MTUS1: variants seen among roughly 807,000 people sequenced by gnomAD.
The protein encoded by MTUS1 is microtubule-associated tumor suppressor 1.
In MTUS1, 109 loss-of-function variants were observed where a neutral mutation model predicts 120.8. That is an observed-to-expected ratio of 0.90 (90% CI 0.77 to 1.06). MTUS1 has a LOEUF of 1.06. Among genes scored for constraint, MTUS1 ranks in the 50% least tolerant of loss-of-function variants. MTUS1 has a pLI of 0.00. For synonymous variants in MTUS1, 737 were observed against 550.5 expected, an observed-to-expected ratio of 1.34 and a Z score of -4.74; for missense variants, 2,210 against 1,486.3, an observed-to-expected ratio of 1.49 and a Z score of -8.01.
intron 1 of MTUS1, among the ~76,000 whole-genome samples, chr8:17,758,785 G>A (rs986670714): frequency 6.6e-6 from 1 of 152,136 alleles, no homozygotes; most frequent in Non-Finnish European, 1.5e-5. Flanking sequence ...TTCAATTAAT[G>A]GCATTTTTAT....
At chr8:17,761,092 C>A (rs2049005661) in intron 1 of MTUS1, among the ~76,000 whole-genome samples, 1 of 151,862 alleles carries the variant, frequency 6.6e-6, no homozygotes, top group Non-Finnish European at 1.5e-5. Context: ...TGTAACAGAG[C>A]AGCTCCTCTT....
At chr8:17,793,392 C>G (rs182007278) in intron 1 of MTUS1, among the ~76,000 whole-genome samples, 4 of 151,970 alleles carry the variant, frequency 2.6e-5, no homozygotes, top group African/African-American at 9.7e-5. Flanking sequence ...GGGGTGAGGG[C>G]AAGAGGAGAG....
intron 7 of MTUS1, chr8:17,676,376 G>C (rs771872651): frequency 2.8e-6 from 2 of 702,346 alleles, no homozygotes; most frequent in South Asian, 3.0e-5. Context: ...CACTGTGCAA[G>C]AAGCATACAG....
chr8:17,708,058 T>C (rs1268120486), intron 6 of MTUS1, among the ~76,000 whole-genome samples: 1 of 152,194 alleles, frequency 6.6e-6, no homozygotes, highest in African/African-American at 2.4e-5. Context: ...CAACTGTTTC[T>C]GAGATACAAT....
At chr8:17,718,517 A>C (rs1822760485) in intron 4 of MTUS1, among the ~76,000 whole-genome samples, 1 of 151,990 alleles carries the variant, frequency 6.6e-6, no homozygotes, top group Non-Finnish European at 1.5e-5. Context: ...TTCACAACTC[A>C]CTGTGGTATT....
Position 17,732,744 on chromosome 8 carries a change from T to G in MTUS1, c.2288-8911A>C, listed in dbSNP as rs201349197. Among the ~76,000 whole-genome samples the G allele has an allele frequency of 5.9e-5, 9 of 152,210 alleles. No individual in the cohort carries two copies. In the East Asian group the frequency reaches 1.4e-3, roughly 23 times the overall value. On this transcript the variant is annotated intron_variant, in intron 3 of 14. Coordinates refer to ENST00000693296, the MANE Select transcript of MTUS1 (RefSeq NM_001363059.2). ...TCTCAGGTAAAGGCTGCACCATTCT[T>G]CCATTGCTCACACCAACATGGTCAT...
chr8:17,736,865 G>T (rs973784812), intron 3 of MTUS1, among the ~76,000 whole-genome samples: 2 of 152,122 alleles, frequency 1.3e-5, no homozygotes, highest in Non-Finnish European at 2.9e-5. Flanking sequence ...GATTATAGGC[G>T]TGAGCCACCA....
chr8:17,722,064 T>G, intron 4 of MTUS1: 1 of 1,321,128 alleles, frequency 7.6e-7, no homozygotes. Context: ...CAAATCAAAC[T>G]AAGAAAGAGA....
At chr8:17,683,266 T>C in intron 7 of MTUS1, among the ~76,000 whole-genome samples, 1 of 151,988 alleles carries the variant, frequency 6.6e-6, no homozygotes. Context: ...AGTGAGAGTC[T>C]GTCTCAAAAA....
chr8:17,768,899 T>G (rs796319214), intron 1 of MTUS1, among the ~76,000 whole-genome samples: 5 of 152,290 alleles, frequency 3.3e-5, no homozygotes, highest in African/African-American at 1.2e-4. Flanking sequence ...GGTATTTTGT[T>G]TACACTTCTG....
At chr8:17,660,496 G>A (rs889314372) in intron 8 of MTUS1, among the ~76,000 whole-genome samples, 5 of 152,150 alleles carry the variant, frequency 3.3e-5, no homozygotes, top group African/African-American at 4.8e-5. Flanking sequence ...TATGAACACC[G>A]GGGGACAAAT....
intron 3 of MTUS1, among the ~76,000 whole-genome samples, chr8:17,731,587 T>C (rs1430404203): frequency 6.6e-6 from 1 of 152,040 alleles, no homozygotes; most frequent in African/African-American, 2.4e-5. Context: ...GACCGTCTTA[T>C]TATGCATAAA....
rs1177055386 is a variant in MTUS1, at chr8:17,756,671, A to AC, written c.-154-711dup. The stretch of plus-strand genomic sequence containing the variant: ...TCTCCAATTCATATGTCAAGCCCAA[A>AC]CCCCCACCCCTTATGTAACTATGTT... On this transcript the variant is annotated intron_variant, in intron 1 of 14. Coordinates refer to ENST00000693296, the MANE Select transcript of MTUS1 (RefSeq NM_001363059.2). Among the ~76,000 whole-genome samples the AC allele has an allele frequency of 2.0e-4, 24 of 117,540 alleles. 1 individual carries two copies. Among genetic ancestry groups the AC allele is most frequent in the African/African-American group, 6.1e-4 (19 of 31,380 alleles). 77.1% of individuals were successfully genotyped at this position (117,540 alleles called of 152,430 possible).
At chr8:17,774,551 T>C (rs2131472608) in intron 1 of MTUS1, among the ~76,000 whole-genome samples, 1 of 152,186 alleles carries the variant, frequency 6.6e-6, no homozygotes, top group East Asian at 1.9e-4. Context: ...AAAACCACAA[T>C]CAGATACCAC....
chr8:17,667,595 C>T (rs924338586), intron 8 of MTUS1, among the ~76,000 whole-genome samples: 1 of 152,180 alleles, frequency 6.6e-6, no homozygotes. Context: ...TACATTTTAA[C>T]AATATTTCTT....
chr8:17,664,045 T>A (rs1046549171), intron 8 of MTUS1: 1 of 152,232 alleles, frequency 6.6e-6, no homozygotes, highest in African/African-American at 2.4e-5. Context: ...CAAGAGTCCA[T>A]TGATTCCAGT....
At chr8:17,768,230 T>C (rs1015689056) in intron 1 of MTUS1, among the ~76,000 whole-genome samples, 1 of 152,216 alleles carries the variant, frequency 6.6e-6, no homozygotes, top group Non-Finnish European at 1.5e-5. Flanking sequence ...AGGAGAGTTT[T>C]ATAATGTTCT....
rs545025075 is a variant in MTUS1 at position 17,718,474 on chromosome 8, A to G, written c.2450-2573T>C. On this transcript the variant is annotated intron_variant, in intron 4 of 14. Coordinates refer to ENST00000693296, the MANE Select transcript of MTUS1 (RefSeq NM_001363059.2). ...ATGGGAATAGACAGTGCATTCGCCC[A>G]TATCGGGTATGGGAATAGACAGTGC... Among the ~76,000 whole-genome samples, 102 of 152,260 alleles carry G rather than the reference A, an allele frequency of 6.7e-4. 1 individual carries two copies. The highest frequency in any genetic ancestry group is 1.1e-3 in the Non-Finnish European group (78 of 68,026).
chr8:17,679,504 T>C (rs1813867490), intron 7 of MTUS1, among the ~76,000 whole-genome samples: 2 of 96,008 alleles, frequency 2.1e-5, no homozygotes, highest in South Asian at 6.1e-4. Context: ...TATTTATTTA[T>C]TTATTTATTT....
Sources: allele counts gnomAD v4.1 joint callset (sites outside exome capture counted in the v4.1 genomes callset), GRCh38; gene constraint gnomAD v4.1.1; transcripts MANE v1.5; gene names NCBI Gene and HGNC (gene_info 2026-07-23, HGNC 2026-07-21).